Variants in NBAS observed in about 807,000 individuals in gnomAD.
The protein encoded by NBAS is NAG/BC035112 fusion.
NBAS carries 219 observed loss-of-function variants against 302.5 expected under a neutral mutation model. The observed-to-expected ratio is 0.72, with a 90% CI of 0.65 to 0.81. NBAS has a LOEUF of 0.81. Ranked by LOEUF, NBAS falls within the 30% of genes least tolerant of loss-of-function variation. The pLI is 0.00. For synonymous variants in NBAS, 1,118 were observed against 1,021.6 expected (o/e 1.09, Z -1.80); for missense variants, 2,932 against 2,841.6 (o/e 1.03, Z -0.72).
At chr2:15,475,618 TA>T in intron 14 of NBAS, 68 bp downstream of exon 14, 2 of 1,424,984 alleles carry the variant, frequency 1.4e-6, no homozygotes, top group Non-Finnish European at 2.0e-6. Flanking sequence ...ACAACTCAAA[TA>T]AAAACCAGAT....
At chr2:14,882,680 A>G in the NBAS span, among the ~76,000 whole-genome samples, 2 of 152,244 alleles carry the variant, frequency 1.3e-5, no homozygotes, top group Non-Finnish European at 2.9e-5. Context: ...ATGATTTCTC[A>G]TCGAGCATCA....
At chr2:15,527,173 A>C (rs1298380591) in intron 9 of NBAS, among the ~76,000 whole-genome samples, 1 of 152,118 alleles carries the variant, frequency 6.6e-6, no homozygotes, top group Non-Finnish European at 1.5e-5. Context: ...GGAAAAGTCA[A>C]AAGAAAGAAA....
At chr2:15,492,659 T>C (rs867274790) in intron 11 of NBAS, among the ~76,000 whole-genome samples, 1 of 151,974 alleles carries the variant, frequency 6.6e-6, no homozygotes. Context: ...CGGGGGTTCA[T>C]CATGTTGCCC....
intron 47 of NBAS, among the ~76,000 whole-genome samples, chr2:15,220,754 C>T (rs1028353525): frequency 1.3e-5 from 2 of 152,190 alleles, no homozygotes; most frequent in African/African-American, 4.8e-5. Flanking sequence ...ACAGGTTTTG[C>T]TGTAGCCAGA....
chr2:15,254,670 G>A (rs1284676488), intron 44 of NBAS, among the ~76,000 whole-genome samples: 1 of 152,040 alleles, frequency 6.6e-6, no homozygotes, highest in African/African-American at 2.4e-5. Flanking sequence ...TATATCCAAC[G>A]TGTAGTATTT....
intron 28 of NBAS, among the ~76,000 whole-genome samples, chr2:15,391,811 A>G (rs1285335556): frequency 6.6e-6 from 1 of 151,942 alleles, no homozygotes. Context: ...TAACTCTGAC[A>G]GCAGATTTCT....
chr2:15,444,940 C>A (rs1300401764), intron 21 of NBAS, among the ~76,000 whole-genome samples: 14 of 150,134 alleles, frequency 9.3e-5, no homozygotes, highest in African/African-American at 3.4e-4. Context: ...AAATGCAAAT[C>A]AAAACCACAA....
chr2:15,535,306 C>T (rs142886207), intron 8 of NBAS, among the ~76,000 whole-genome samples: 16 of 151,930 alleles, frequency 1.1e-4, no homozygotes, highest in Non-Finnish European at 2.2e-4. Context: ...CAGATCACAA[C>T]GTCAGGAGAT....
chr2:15,016,307 T>C, the NBAS span, among the ~76,000 whole-genome samples: 1 of 152,138 alleles, frequency 6.6e-6, no homozygotes, highest in Non-Finnish European at 1.5e-5. Context: ...AACACCCCCA[T>C]GATTCAATTA....
chr2:14,826,574 C>A, the NBAS span, among the ~76,000 whole-genome samples: 1 of 152,216 alleles, frequency 6.6e-6, no homozygotes, highest in Admixed American at 6.5e-5. Context: ...CTTCCTGTCC[C>A]TTTCTCATGG....
At chr2:14,935,522 G>A in the NBAS span, among the ~76,000 whole-genome samples, 1 of 152,066 alleles carries the variant, frequency 6.6e-6, no homozygotes, top group East Asian at 1.9e-4. Flanking sequence ...GTAATTCTTA[G>A]TTTTCCATGT....
chr2:15,051,022 T>A, the NBAS span, among the ~76,000 whole-genome samples: 1 of 152,200 alleles, frequency 6.6e-6, no homozygotes. Flanking sequence ...CTGCTCAGCA[T>A]ATTACTTATC....
At chr2:15,488,873 T>G in intron 12 of NBAS, 21 bp downstream of exon 12, 1 of 1,613,172 alleles carries the variant, frequency 6.2e-7, no homozygotes, top group Non-Finnish European at 8.5e-7. Flanking sequence ...AGAGTATCAT[T>G]CTAATAACCA....
At chr2:14,906,379 C>T in the NBAS span, among the ~76,000 whole-genome samples, 1 of 152,190 alleles carries the variant, frequency 6.6e-6, no homozygotes, top group African/African-American at 2.4e-5. Context: ...TCGTAAGTGG[C>T]AGAGCCAGGA....
In NBAS at chr2:15,234,438, A is replaced by C. The variant is rs932137586; in HGVS notation, c.6146+107T>G. 5 of 1,134,062 alleles carry C rather than the reference A, an allele frequency of 4.4e-6. 1 individual carries two copies. The African/African-American group carries it at 6.1e-5, about 14-fold the overall frequency. 70.2% of individuals were successfully genotyped at this position (1,134,062 alleles called of 1,614,324 possible). ...TAAAAATAATCTCTCACTTTTGTAA[A>C]GTCCTTCAAAACTTATAAAATGCTT... On this transcript the variant is annotated intron_variant, in intron 46 of 51. Transcript: ENST00000281513.
chr2:15,517,076 CTTGCACAGG>C (rs1191640887), intron 9 of NBAS, among the ~76,000 whole-genome samples: 1 of 151,828 alleles, frequency 6.6e-6, no homozygotes, highest in Non-Finnish European at 1.5e-5. Flanking sequence ...TAGAGAAATT[CTTGCACAGG>C]TATATTCATC....
At chr2:15,048,906 T>C in the NBAS span, among the ~76,000 whole-genome samples, 8 of 152,256 alleles carry the variant, frequency 5.3e-5, no homozygotes, top group Admixed American at 5.2e-4. Context: ...GGTCAGTGTG[T>C]GGCAGAGAGA....
At chr2:15,356,235 C>A (rs1673611716) in intron 33 of NBAS, 68 bp downstream of exon 33, 2 of 1,325,662 alleles carry the variant, frequency 1.5e-6, no homozygotes, top group Non-Finnish European at 2.2e-6. Flanking sequence ...GATTTCAGAA[C>A]AGACCTTTTC....
chr2:15,374,864 T>C, intron 30 of NBAS, 144 bp from the exon 31 acceptor site: 1 of 693,988 alleles, frequency 1.4e-6, no homozygotes, highest in Non-Finnish European at 2.5e-6. Context: ...GTTATCTTAA[T>C]CCTCATAGCA....
Sources: gnomAD v4.1 joint callset for allele counts (sites outside exome capture counted in the v4.1 genomes callset) on GRCh38, gnomAD v4.1.1 for gene constraint, MANE v1.5 for transcripts, NCBI Gene and HGNC (gene_info 2026-07-23, HGNC 2026-07-21) for gene names.